CDCA7L: variants seen among roughly 807,000 people sequenced by gnomAD.
The protein encoded by CDCA7L is cell division cycle-associated 7-like protein.
CDCA7L carries 44 observed loss-of-function variants against 57.4 expected under a neutral mutation model. The observed-to-expected ratio is 0.77, with a 90% CI of 0.60 to 0.98. The LOEUF (loss-of-function observed/expected upper bound fraction) is 0.98, where lower values mean the gene tolerates loss of function less well. Among genes scored for constraint, CDCA7L ranks in the 50% least tolerant of loss-of-function variants. The pLI is 0.00. For synonymous variants in CDCA7L, 236 were observed against 202.8 expected, an observed-to-expected ratio of 1.16 and a Z score of -1.39; for missense variants, 644 against 580.6, an observed-to-expected ratio of 1.11 and a Z score of -1.12.
chr7:21,926,985 T>C (rs1785850893), intron 1 of CDCA7L, among the ~76,000 whole-genome samples: 1 of 152,198 alleles, frequency 6.6e-6, no homozygotes, highest in African/African-American at 2.4e-5. Context: ...AGATCTAAGA[T>C]GATCTTCAGT....
intron 2 of CDCA7L, among the ~76,000 whole-genome samples, chr7:21,914,334 C>T (rs932763099): frequency 2.0e-5 from 3 of 152,186 alleles, no homozygotes; most frequent in African/African-American, 7.2e-5. Flanking sequence ...AAGCACCATT[C>T]AAGTATGAGG....
chr7:21,906,267 T>A (rs375069121), intron 6 of CDCA7L, 22 bp downstream of exon 6: 2 of 1,565,288 alleles, frequency 1.3e-6, no homozygotes, highest in African/African-American at 2.7e-5. Context: ...AAAAACTAAT[T>A]CATGTATTAG....
chr7:21,909,803 AAG>A (rs1273998285), intron 3 of CDCA7L, among the ~76,000 whole-genome samples: 2 of 152,328 alleles, frequency 1.3e-5, no homozygotes, highest in East Asian at 3.9e-4. Flanking sequence ...GAAGGAAGGA[AAG>A]AACAAATGGT....
chr7:21,931,905 A>G (rs1786030201), intron 1 of CDCA7L, among the ~76,000 whole-genome samples: 1 of 152,240 alleles, frequency 6.6e-6, no homozygotes, highest in Admixed American at 6.5e-5. Context: ...GTATATTTAG[A>G]AAATCCCATC....
chr7:21,930,928 T>TA (rs560587877), intron 1 of CDCA7L, among the ~76,000 whole-genome samples: 1 of 151,512 alleles, frequency 6.6e-6, no homozygotes, highest in Non-Finnish European at 1.5e-5. Context: ...ATAGACACAA[T>TA]AAAAAATGAT....
Position 21,901,136 on chromosome 7 carries a change from G to A in CDCA7L, c.*1186C>T, listed in dbSNP as rs550518090. On this transcript the variant is annotated 3_prime_UTR_variant, in exon 10 of 10. Transcript: ENST00000406877. ...CAAGAAACCAAACAGACCTACGAGT[G>A]CCCTGTGTATAGAACCAAACTGAGA... is the stretch of plus-strand genomic sequence containing the variant. The A allele has an allele frequency of 1.2e-6, 2 of 1,613,294 alleles. No homozygotes were observed. The highest frequency in any genetic ancestry group is 1.7e-6 in the Non-Finnish European group (2 of 1,179,400).
In CDCA7L at chr7:21,901,078, G is replaced by C; in HGVS notation, c.*1244C>G. On this transcript the variant is annotated 3_prime_UTR_variant, in exon 10 of 10. Coordinates refer to ENST00000406877, the MANE Select transcript of CDCA7L (RefSeq NM_018719.5). ...CAAGGAGCTGGCATGCCCTATGCCGGTCATCTTTGCAAAAGCCACCCCCGT... is the reference window on the plus strand; with the variant it reads ...CAAGGAGCTGGCATGCCCTATGCCGCTCATCTTTGCAAAAGCCACCCCCGT... 6.2e-7 allele frequency: 1 copy of C among 1,613,944 alleles called. No individual in the cohort carries two copies.
At chr7:21,935,324 A>G (rs1003891188) in intron 1 of CDCA7L, among the ~76,000 whole-genome samples, 4 of 152,230 alleles carry the variant, frequency 2.6e-5, no homozygotes, top group Non-Finnish European at 5.9e-5. Context: ...GGAAATTAGA[A>G]AATACTTTGA....
Position 21,902,169 on chromosome 7 carries a change from G to T in CDCA7L, c.*153C>A. ...CTGTCTTCCTGAGAAATCTTTGTAAGCATATAAACAATCTTTAACAAAAAA... is the reference window on the plus strand; with the variant it reads ...CTGTCTTCCTGAGAAATCTTTGTAATCATATAAACAATCTTTAACAAAAAA... On this transcript the variant is annotated 3_prime_UTR_variant, in exon 10 of 10. Transcript: ENST00000406877. 1.4e-6 allele frequency: 1 copy of T among 733,546 alleles called. No individual in the cohort carries two copies. Among genetic ancestry groups the T allele is most frequent in the South Asian group, 1.7e-5 (1 of 59,706 alleles). The allele number at this position is 733,546 out of a possible 1,614,324, so 45.4% of individuals were successfully genotyped here. A position where few individuals can be genotyped will look rare whatever the true frequency, so the allele number is the denominator to read the frequency against.
chr7:21,907,087 G>A (rs945260209), intron 4 of CDCA7L, among the ~76,000 whole-genome samples: 1 of 152,160 alleles, frequency 6.6e-6, no homozygotes, highest in Non-Finnish European at 1.5e-5. Context: ...TCTTTAAATA[G>A]ATTAATTTCT....
intron 1 of CDCA7L, among the ~76,000 whole-genome samples, chr7:21,942,579 G>A (rs747842581): frequency 3.3e-5 from 5 of 152,176 alleles, no homozygotes; most frequent in Non-Finnish European, 5.9e-5. Context: ...TAAATGTAAT[G>A]CCTGGCTTAT....
chr7:21,925,280 C>T (rs1481022798), intron 1 of CDCA7L, among the ~76,000 whole-genome samples: 1 of 152,156 alleles, frequency 6.6e-6, no homozygotes, highest in East Asian at 1.9e-4. Context: ...CCTCAGCCTA[C>T]CTAGTAATGA....
At chr7:21,934,378 T>C (rs1786101496) in intron 1 of CDCA7L, among the ~76,000 whole-genome samples, 1 of 152,168 alleles carries the variant, frequency 6.6e-6, no homozygotes, top group African/African-American at 2.4e-5. Context: ...TAGAATGTTA[T>C]ATGTAATCTC....
chr7:21,908,079 T>G (rs745602019), intron 4 of CDCA7L, 51 bp downstream of exon 4: 1 of 1,490,752 alleles, frequency 6.7e-7, no homozygotes, highest in Non-Finnish European at 8.8e-7. Flanking sequence ...GCCCAGCAAC[T>G]GCTGCCAGAG....
intron 1 of CDCA7L, among the ~76,000 whole-genome samples, chr7:21,935,494 A>G (rs1455657756): frequency 6.6e-6 from 1 of 152,166 alleles, no homozygotes; most frequent in African/African-American, 2.4e-5. Context: ...ATAGCACACC[A>G]AACCCAAAGT....
At chr7:21,905,126 C>T (rs1033768654) in intron 7 of CDCA7L, among the ~76,000 whole-genome samples, 3 of 152,154 alleles carry the variant, frequency 2.0e-5, no homozygotes, top group African/African-American at 7.2e-5. Flanking sequence ...AAATTTAACC[C>T]ATTTCCTACC....
At chr7:21,940,762 T>C (rs1786318345) in intron 1 of CDCA7L, among the ~76,000 whole-genome samples, 1 of 152,216 alleles carries the variant, frequency 6.6e-6, no homozygotes, top group Admixed American at 6.5e-5. Context: ...GCCAAGTCAA[T>C]GAGACCAACT....
intron 4 of CDCA7L, 151 bp from the exon 5 acceptor site, chr7:21,906,790 C>T: frequency 1.4e-6 from 1 of 692,782 alleles, no homozygotes; most frequent in Admixed American, 2.5e-5. Context: ...TTTAACCTCA[C>T]ATGTAAAGAT....
At chr7:21,902,764 TGAGTTGAA>T (rs1784970331) in intron 9 of CDCA7L, 1 of 537,822 alleles carries the variant, frequency 1.9e-6, no homozygotes, top group South Asian at 2.8e-5. Flanking sequence ...AACGTGGAGT[TGAGTTGAA>T]AAATCTAGCA....
Sources: allele counts gnomAD v4.1 joint callset (sites outside exome capture counted in the v4.1 genomes callset), GRCh38; gene constraint gnomAD v4.1.1; transcripts MANE v1.5; gene names NCBI Gene and HGNC (gene_info 2026-07-23, HGNC 2026-07-21).